Variants in MPHOSPH8 observed in about 807,000 individuals in gnomAD.
The protein encoded by MPHOSPH8 is M-phase phosphoprotein 8.
MPHOSPH8 carries 45 observed loss-of-function variants against 87.3 expected under a neutral mutation model. The ratio of observed to expected loss-of-function variants is 0.52; its 90% confidence interval spans 0.41 to 0.66. The LOEUF (loss-of-function observed/expected upper bound fraction) is 0.66, where lower values mean the gene tolerates loss of function less well. Among genes scored for constraint, MPHOSPH8 ranks in the 30% least tolerant of loss-of-function variants. The probability of loss-of-function intolerance (pLI) is 0.00; values close to 1 mark genes in which losing one functional copy is unlikely to be tolerated. For missense variants in MPHOSPH8, 883 were observed against 1,020.2 expected (o/e 0.87, Z 1.83); for synonymous variants, 366 against 376.9 (o/e 0.97, Z 0.33).
intron 5 of MPHOSPH8, among the ~76,000 whole-genome samples, chr13:19,657,427 G>T (rs574705749): frequency 5.4e-5 from 8 of 149,392 alleles, no homozygotes; most frequent in African/African-American, 2.0e-4. Context: ...TTTTGCGCTT[G>T]AGCAAAACAT....
chr13:19,651,128 C>T (rs1310944382), intron 5 of MPHOSPH8, among the ~76,000 whole-genome samples: 3 of 152,178 alleles, frequency 2.0e-5, no homozygotes, highest in Non-Finnish European at 4.4e-5. Flanking sequence ...GCCTCTGACA[C>T]AGTTTGTTGA....
Position 19,657,945 on chromosome 13 carries a change from G to T in MPHOSPH8, c.1577-1050G>T, listed in dbSNP as rs982965444. On this transcript the variant is annotated intron_variant, in intron 5 of 13. Coordinates refer to ENST00000361479, the MANE Select transcript of MPHOSPH8 (RefSeq NM_017520.4). ...TGAGCAAACCCTGGAGCCTCTCCCA[G>T]CCTCTCTCATCTGTAACATGTCTCC... Among the ~76,000 whole-genome samples, 5 of 152,184 alleles carry T rather than the reference G, an allele frequency of 3.3e-5. No homozygotes were observed. In the South Asian group the frequency reaches 1.0e-3, roughly 31 times the overall value.
intron 7 of MPHOSPH8, among the ~76,000 whole-genome samples, chr13:19,659,846 T>A (rs763976434): frequency 6.6e-5 from 10 of 151,958 alleles, no homozygotes; most frequent in Non-Finnish European, 1.3e-4. Context: ...GAGCGTAGAG[T>A]GAGACCATTT....
intron 10 of MPHOSPH8, among the ~76,000 whole-genome samples, chr13:19,668,026 T>G (rs147291630): frequency 7.3e-4 from 111 of 152,344 alleles, no homozygotes; most frequent in African/African-American, 2.6e-3. Flanking sequence ...TGACCCACTT[T>G]CCTGATTTGC....
chr13:19,653,468 T>A (rs537524051), intron 5 of MPHOSPH8, among the ~76,000 whole-genome samples: 1 of 152,154 alleles, frequency 6.6e-6, no homozygotes, highest in Non-Finnish European at 1.5e-5. Context: ...GAGAAACCAG[T>A]GCAAAAAGTC....
In MPHOSPH8 at chr13:19,646,568, A is replaced by G. The variant is rs1874574131; in HGVS notation, c.495A>G (p.Pro165=). ...KKLRQREEKS[P]DDLKKKKAKA... ...TGAGGCAGAGAGAAGAGAAAAGCCC[A>G]GATGATCTGAAAAAGAAAAAAGCAA... The change falls in exon 3 of 14, where the codon CCA becomes CCG. Residue 165 remains proline, a synonymous_variant. Transcript: ENST00000361479. The G allele has an allele frequency of 1.9e-6, 3 of 1,585,502 alleles. No homozygotes were observed. The highest frequency in any genetic ancestry group is 2.8e-5 in the African/African-American group (2 of 72,716).
chr13:19,671,758 C>T (rs1876140801), intron 13 of MPHOSPH8, 76 bp from the exon 14 acceptor site: 3 of 1,360,272 alleles, frequency 2.2e-6, no homozygotes, highest in Non-Finnish European at 3.1e-6. Context: ...CAAATCTTGG[C>T]CATTTGTGGG....
chr13:19,649,980 A>T, intron 4 of MPHOSPH8, 23 bp from the exon 5 acceptor site: 1 of 1,524,568 alleles, frequency 6.6e-7, no homozygotes, highest in South Asian at 1.3e-5. Context: ...ATACTTAACC[A>T]TCTATTTTAA....
rs1230632892 is a variant in MPHOSPH8, at chr13:19,646,552, G to T, written c.479G>T (p.Arg160Ile). The change falls in exon 3 of 14, where the codon AGA (arginine) becomes ATA (isoleucine). Residue 160 changes from arginine to isoleucine, a missense_variant. By Grantham distance (97) the Arg-to-Ile change is moderately conservative. Coordinates refer to ENST00000361479, the MANE Select transcript of MPHOSPH8 (RefSeq NM_017520.4). The stretch of plus-strand genomic sequence containing the variant: ...AAGAAAAAGAAAAAATTGAGGCAGA[G>T]AGAAGAGAAAAGCCCAGATGATCTG... ...PKKKKKKLRQREEKSPDDLKK... is the reference protein window; with the variant it reads ...PKKKKKKLRQIEEKSPDDLKK... 6.3e-7 allele frequency: 1 copy of T among 1,581,220 alleles called. No individual in the cohort carries two copies. The highest frequency in any genetic ancestry group is 2.3e-5 in the East Asian group (1 of 44,384).
intron 7 of MPHOSPH8, among the ~76,000 whole-genome samples, chr13:19,660,658 T>A (rs1246955054): frequency 1.3e-5 from 2 of 152,226 alleles, no homozygotes; most frequent in African/African-American, 2.4e-5. Flanking sequence ...TTCATTCATA[T>A]AGACGTTGCA....
intron 2 of MPHOSPH8, among the ~76,000 whole-genome samples, chr13:19,645,404 A>G (rs1874514211): frequency 6.6e-6 from 1 of 152,178 alleles, no homozygotes; most frequent in African/African-American, 2.4e-5. Flanking sequence ...GGAAAGGTTA[A>G]GCCAGTGCCA....
rs748473391 is a variant in MPHOSPH8 at position 19,650,114 on chromosome 13, C to T, written c.1430C>T (p.Thr477Ile). 6.2e-7 allele frequency: 1 copy of T among 1,613,994 alleles called. No individual in the cohort carries two copies. Among genetic ancestry groups the T allele is most frequent in the Non-Finnish European group, 8.5e-7 (1 of 1,179,962 alleles). ...KREEIPLDFK[T>I]IDDHKTKENK... ...GAAGAAATACCACTGGATTTTAAAA[C>T]CATAGACGATCACAAAACCAAGGAA... The change falls in exon 5 of 14, where the codon ACC becomes ATC. Residue 477 changes from threonine (T) to isoleucine (I), a missense_variant. By Grantham distance (89) the Thr-to-Ile change is moderately conservative. Transcript: ENST00000361479.
At chr13:19,657,933 GAGCCTCTCCC>G (rs1368359232) in intron 5 of MPHOSPH8, among the ~76,000 whole-genome samples, 1 of 152,200 alleles carries the variant, frequency 6.6e-6, no homozygotes, top group East Asian at 1.9e-4. Flanking sequence ...GCAAACCCTG[GAGCCTCTCCC>G]AGCCTCTCTC....
rs1874578912 is a variant in MPHOSPH8, at chr13:19,646,645, A to G, written c.572A>G (p.Glu191Gly). 6.3e-7 allele frequency: 1 copy of G among 1,590,066 alleles called. No individual in the cohort carries two copies. The highest frequency in any genetic ancestry group is 1.2e-5 in the South Asian group (1 of 85,172). Residue 191 changes from glutamate to glycine, a missense_variant, in exon 3 of 14, where the codon GAA (glutamate) becomes GGA (glycine). Around this residue, in one of 3 missense-constraint regions of MPHOSPH8, gnomAD observed 741 missense variants for 841.5 expected, o/e 0.88. Transcript: ENST00000361479. ...KSKPDLESSLESLVFDLRTKK... is the reference protein window; with the variant it reads ...KSKPDLESSLGSLVFDLRTKK... Reference sequence around the variant, plus strand: ...AAACCAGACCTGGAGAGCTCCTTGGAAAGTTTAGTTTTTGATTTAAGGACA... The same window carrying G: ...AAACCAGACCTGGAGAGCTCCTTGGGAAGTTTAGTTTTTGATTTAAGGACA...
At chr13:19,660,378 T>A (rs891225033) in intron 7 of MPHOSPH8, among the ~76,000 whole-genome samples, 1 of 152,178 alleles carries the variant, frequency 6.6e-6, no homozygotes, top group African/African-American at 2.4e-5. Flanking sequence ...ATCATATCTG[T>A]TGATCTTTTA....
Position 19,670,993 on chromosome 13 carries a change from G to C in MPHOSPH8, c.2458-213G>C, listed in dbSNP as rs530678288. 1.5e-5 allele frequency: 18 copies of C among 1,201,814 alleles called. 1 individual carries two copies. The Admixed American group carries it at 3.6e-4, about 24-fold the overall frequency. The allele number at this position is 1,201,814 out of a possible 1,614,324, so 74.4% of individuals were successfully genotyped here. On this transcript the variant is annotated intron_variant, in intron 12 of 13. Coordinates refer to ENST00000361479, the MANE Select transcript of MPHOSPH8 (RefSeq NM_017520.4). ...CGCCACCACATCCGGCTAATTTTTT[G>C]TATTTTTTGTAGAGATGGGGTTTCA...
intron 4 of MPHOSPH8, 146 bp downstream of exon 4, chr13:19,648,667 G>T (rs963425627): frequency 4.5e-5 from 14 of 314,296 alleles, no homozygotes; most frequent in Non-Finnish European, 2.9e-5. Context: ...TGAGGGATCT[G>T]ATTAGAATTA....
intron 7 of MPHOSPH8, 112 bp downstream of exon 7, chr13:19,659,401 C>T (rs1276506898): frequency 3.5e-6 from 3 of 857,846 alleles, no homozygotes; most frequent in East Asian, 2.7e-5. Flanking sequence ...TGGTGGTGCA[C>T]ACCTGTAATC....
At position 19,650,148 on chromosome 13, in the gene MPHOSPH8, G is replaced by C. The variant is rs765462844; in HGVS notation, c.1464G>C (p.Gln488His). The C allele has an allele frequency of 3.1e-6, 5 of 1,614,126 alleles. No homozygotes were observed. The East Asian group carries it at 1.1e-4, about 36-fold the overall frequency. Residue 488 changes from glutamine (Q) to histidine (H), a missense_variant, in exon 5 of 14, where the codon CAG becomes CAC. Gln to His is a conservative substitution (Grantham distance 24). This residue lies in a region of MPHOSPH8 where 741 missense variants were observed against 841.5 expected (regional missense o/e 0.88). Transcript: ENST00000361479. ...IDDHKTKENK[Q>H]SLKERRNTRD... ...ATCACAAAACCAAGGAAAACAAACA[G>C]TCACTTAAAGAAAGGAGAAACACCA... is the stretch of plus-strand genomic sequence containing the variant.
Sources: allele counts gnomAD v4.1 joint callset (sites outside exome capture counted in the v4.1 genomes callset), GRCh38; gene constraint gnomAD v4.1.1; regional missense constraint gnomAD v4.1.1; transcripts MANE v1.5; gene names NCBI Gene and HGNC (gene_info 2026-07-23, HGNC 2026-07-21).